COL6A5: variants seen among roughly 807,000 people sequenced by gnomAD.
COL6A5 encodes collagen alpha-5(VI) chain.
Under a neutral mutation model 65.6 loss-of-function variants are expected in COL6A5, and 48 were observed. That is an observed-to-expected ratio of 0.73 (90% CI 0.58 to 0.93). The LOEUF (loss-of-function observed/expected upper bound fraction) is 0.93, where lower values mean the gene tolerates loss of function less well. Ranked by LOEUF, COL6A5 falls within the 40% of genes least tolerant of loss-of-function variation. COL6A5 has a pLI of 0.00. For synonymous variants in COL6A5, 291 were observed against 322.8 expected (o/e 0.90, Z 1.05); for missense variants, 914 against 928.3 (o/e 0.98, Z 0.20).
chr3:130,458,873 TA>T (rs1183968528), intron 5 of COL6A5, among the ~76,000 whole-genome samples: 1 of 152,124 alleles, frequency 6.6e-6, no homozygotes, highest in Non-Finnish European at 1.5e-5. Context: ...CCCTTCTAAT[TA>T]CTTGCCAACA....
chr3:130,365,043 C>G (rs1935280908), intron 1 of COL6A5, among the ~76,000 whole-genome samples: 1 of 152,142 alleles, frequency 6.6e-6, no homozygotes. Context: ...GGTGGCAAAA[C>G]CTGTATACTG....
chr3:130,436,165 C>T (rs1709030107), intron 1 of COL6A5, among the ~76,000 whole-genome samples: 1 of 151,860 alleles, frequency 6.6e-6, no homozygotes, highest in Non-Finnish European at 1.5e-5. Flanking sequence ...CATGATCTTT[C>T]CTCTTGTGAA....
At chr3:130,358,791 T>C (rs1935011635) in intron 1 of COL6A5, among the ~76,000 whole-genome samples, 1 of 152,210 alleles carries the variant, frequency 6.6e-6, no homozygotes, top group African/African-American at 2.4e-5. Flanking sequence ...TAATTTTAGA[T>C]ATACATTCGT....
At chr3:130,432,047 G>A (rs1172487630) in intron 1 of COL6A5, 98 bp downstream of exon 33, 16 of 1,298,720 alleles carry the variant, frequency 1.2e-5, no homozygotes, top group Non-Finnish European at 1.6e-5. Context: ...AATATATGTG[G>A]CCTCTTGAAA....
intron 13 of COL6A5, 24 bp downstream of exon 13, chr3:130,403,686 A>AC (rs1372683830): frequency 6.5e-7 from 1 of 1,535,550 alleles, no homozygotes; most frequent in Non-Finnish European, 8.8e-7. Flanking sequence ...ACTCCCCCTC[A>AC]CCCCCTGTTG....
intron 2 of COL6A5, among the ~76,000 whole-genome samples, chr3:130,375,726 G>A (rs1935741855): frequency 6.6e-6 from 1 of 152,120 alleles, no homozygotes; most frequent in African/African-American, 2.4e-5. Flanking sequence ...AGAAGTGGAA[G>A]CAAACATGTC....
chr3:130,462,222 T>C (rs1709718742), intron 5 of COL6A5, among the ~76,000 whole-genome samples: 2 of 152,102 alleles, frequency 1.3e-5, no homozygotes, highest in Admixed American at 1.3e-4. Context: ...CCTTTAGAAC[T>C]TGACCAGTGA....
intron 8 of COL6A5, among the ~76,000 whole-genome samples, chr3:130,396,866 G>T (rs1453831382): frequency 2.0e-5 from 3 of 152,016 alleles, no homozygotes; most frequent in Non-Finnish European, 4.4e-5. Context: ...TTTATTTTTT[G>T]TTTTTTATTT....
At chr3:130,479,616 G>A (rs922797553) in intron 7 of COL6A5, among the ~76,000 whole-genome samples, 2 of 152,058 alleles carry the variant, frequency 1.3e-5, no homozygotes, top group African/African-American at 4.8e-5. Context: ...GTGTGGATTG[G>A]CTTTTACAAT....
intron 12 of COL6A5, among the ~76,000 whole-genome samples, chr3:130,402,415 CATG>C (rs1936848111): frequency 3.3e-5 from 5 of 152,132 alleles, no homozygotes; most frequent in Admixed American, 3.3e-4. Context: ...ATAAATATGT[CATG>C]ATATTTTCAA....
At chr3:130,466,905 A>T (rs1709831747) in intron 5 of COL6A5, among the ~76,000 whole-genome samples, 1 of 151,952 alleles carries the variant, frequency 6.6e-6, no homozygotes, top group Non-Finnish European at 1.5e-5. Flanking sequence ...ACTCAAGAAG[A>T]AATAACCTAA....
chr3:130,401,787 G>C, exon 12 of COL6A5: 1 of 1,551,476 alleles, frequency 6.4e-7, no homozygotes, highest in Non-Finnish European at 8.7e-7. Context: ...AGGACTTGCT[G>C]CTGTACATTC....
upstream of COL6A5, chr3:130,429,506 GT>G: frequency 7.1e-7 from 1 of 1,401,718 alleles, no homozygotes; most frequent in Non-Finnish European, 9.7e-7. Flanking sequence ...TTAAAATGTT[GT>G]TTTTTGAACT....
chr3:130,387,216 A>G (rs1244892626), intron 5 of COL6A5, among the ~76,000 whole-genome samples: 1 of 151,972 alleles, frequency 6.6e-6, no homozygotes, highest in Non-Finnish European at 1.5e-5. Context: ...TTTTTCTCAT[A>G]CCTTTTGGTT....
chr3:130,426,719 G>A (rs1937611068), upstream of COL6A5, among the ~76,000 whole-genome samples: 1 of 152,100 alleles, frequency 6.6e-6, no homozygotes, highest in African/African-American at 2.4e-5. Flanking sequence ...GAAAGGACTG[G>A]GAGGGCATGT....
At chr3:130,406,151 G>C (rs749230371) in exon 16 of COL6A5, 24 of 1,550,364 alleles carry the variant, frequency 1.5e-5, no homozygotes, top group Non-Finnish European at 1.9e-5. Flanking sequence ...GAGACGATGG[G>C]ATTGATGGAC....
intron 4 of COL6A5, 23 bp from the exon 37 acceptor site, chr3:130,455,432 C>G (rs1197187438): frequency 6.7e-7 from 1 of 1,499,764 alleles, no homozygotes; most frequent in Non-Finnish European, 9.2e-7. Flanking sequence ...TCTAGACTCA[C>G]CTAAAGTTTT....
At chr3:130,473,681 G>A (rs1050975464) in intron 7 of COL6A5, among the ~76,000 whole-genome samples, 2 of 152,088 alleles carry the variant, frequency 1.3e-5, no homozygotes, top group African/African-American at 4.8e-5. Flanking sequence ...GAATGCTGAG[G>A]GCAGTCATGC....
chr3:130,371,406 C>T (rs2107632819), intron 1 of COL6A5, among the ~76,000 whole-genome samples: 1 of 152,102 alleles, frequency 6.6e-6, no homozygotes, highest in East Asian at 1.9e-4. Flanking sequence ...AGGACTCACA[C>T]TTTCCAACTT....
Sources: allele counts gnomAD v4.1 joint callset (sites outside exome capture counted in the v4.1 genomes callset), GRCh38; gene constraint gnomAD v4.1.1; transcripts MANE v1.5; gene names NCBI Gene and HGNC (gene_info 2026-07-23, HGNC 2026-07-21).